Variants in HMGN3 observed in about 807,000 individuals in gnomAD.
The protein encoded by HMGN3 is high mobility group nucleosome-binding domain-containing protein 3.
HMGN3 carries 6 observed loss-of-function variants against 18.8 expected under a neutral mutation model. That is an observed-to-expected ratio of 0.32 (90% CI 0.18 to 0.63). The LOEUF is 0.63. Among genes scored for constraint, HMGN3 ranks in the 30% least tolerant of loss-of-function variants. HMGN3 has a pLI of 0.79. For synonymous variants in HMGN3, 40 were observed against 36.5 expected (o/e 1.10, Z -0.35); for missense variants, 107 against 114.2 (o/e 0.94, Z 0.29).
At chr6:79,230,348 TTA>T (rs1216316603) in intron 1 of HMGN3, among the ~76,000 whole-genome samples, 1 of 152,142 alleles carries the variant, frequency 6.6e-6, no homozygotes, top group Non-Finnish European at 1.5e-5. Flanking sequence ...CAAAACTGGA[TTA>T]TGACAATGGT....
rs1376195341 is a variant in HMGN3 at position 79,232,857 on chromosome 6, T to C, written c.15+1689A>G. 3.9e-5 allele frequency among the ~76,000 whole-genome samples: 6 copies of C among 152,328 alleles called. No homozygotes were observed. In the East Asian group the frequency reaches 7.7e-4, roughly 20 times the overall value. ...ATTAGTTCCTTTGTCTCTACTAGAA[T>C]TTCCAATCCATCATTAACCCTCAGT... On this transcript the variant is annotated intron_variant, in intron 1 of 5. Transcript: ENST00000344726.
At chr6:79,210,910 C>T (rs1304535361) in intron 2 of HMGN3, among the ~76,000 whole-genome samples, 3 of 149,452 alleles carry the variant, frequency 2.0e-5, no homozygotes, top group Non-Finnish European at 4.4e-5. Flanking sequence ...AAGCACTGCT[C>T]TACTGGGACT....
At chr6:79,222,160 G>A (rs1777326838) in intron 1 of HMGN3, among the ~76,000 whole-genome samples, 1 of 152,152 alleles carries the variant, frequency 6.6e-6, no homozygotes, top group South Asian at 2.1e-4. Context: ...ATATATAACA[G>A]TGCAAAGAGA....
At chr6:79,202,128 C>T in intron 5 of HMGN3, 1 of 1,552,808 alleles carries the variant, frequency 6.4e-7, no homozygotes, top group Non-Finnish European at 8.7e-7. Context: ...GAGGTTGAGA[C>T]ATTAACAGTT....
intron 3 of HMGN3, among the ~76,000 whole-genome samples, chr6:79,204,933 C>T (rs910538636): frequency 1.3e-5 from 2 of 152,264 alleles, no homozygotes; most frequent in Admixed American, 1.3e-4. Context: ...TATTAATATA[C>T]ATGTTTTCTC....
chr6:79,212,872 G>A (rs781766592), intron 2 of HMGN3, among the ~76,000 whole-genome samples: 3 of 152,086 alleles, frequency 2.0e-5, no homozygotes, highest in Non-Finnish European at 2.9e-5. Flanking sequence ...GTTTTTACCC[G>A]AAACCATCAG....
chr6:79,219,293 A>T (rs931210313), intron 1 of HMGN3, among the ~76,000 whole-genome samples: 1 of 152,226 alleles, frequency 6.6e-6, no homozygotes, highest in African/African-American at 2.4e-5. Flanking sequence ...ATGAAAATAT[A>T]GAGTACTATT....
At chr6:79,211,284 A>C (rs1431431078) in intron 2 of HMGN3, among the ~76,000 whole-genome samples, 1 of 152,154 alleles carries the variant, frequency 6.6e-6, no homozygotes, top group African/African-American at 2.4e-5. Flanking sequence ...CTTCCTGGAA[A>C]GTTCTATCAG....
chr6:79,211,032 A>AAAAAAAAAAAAC (rs1561988620), intron 2 of HMGN3, among the ~76,000 whole-genome samples: 1 of 147,006 alleles, frequency 6.8e-6, no homozygotes. Flanking sequence ...AAAAAAAAAA[A>AAAAAAAAAAAAC]ATGCCTAAGC....
rs567185140 is a variant in HMGN3 at position 79,208,712 on chromosome 6, A to G, written c.67-136T>C. On this transcript the variant is annotated intron_variant, in intron 2 of 5. Transcript: ENST00000344726. ...ATGATTCCCATCACCTTCTCCAGGT[A>G]AGCACAGTGAAACATATCCCAAGTC... 76 of 753,750 alleles carry G rather than the reference A, an allele frequency of 1.0e-4. 1 individual carries two copies. The African/African-American group carries it at 1.1e-3, about 11-fold the overall frequency. The allele number at this position is 753,750 out of a possible 1,614,324, so 46.7% of individuals were successfully genotyped here. A position where few individuals can be genotyped will look rare whatever the true frequency, so the allele number is the denominator to read the frequency against.
At chr6:79,218,654 G>T (rs2127828599) in intron 1 of HMGN3, among the ~76,000 whole-genome samples, 1 of 152,262 alleles carries the variant, frequency 6.6e-6, no homozygotes, top group East Asian at 1.9e-4. Flanking sequence ...CATGACTGAG[G>T]TTACCTTTTG....
chr6:79,211,533 T>C (rs977139025), intron 2 of HMGN3, among the ~76,000 whole-genome samples: 1 of 151,322 alleles, frequency 6.6e-6, no homozygotes, highest in African/African-American at 2.4e-5. Context: ...CCTCAGCACT[T>C]CTCTGACATT....
chr6:79,220,119 C>T (rs915384133), intron 1 of HMGN3, among the ~76,000 whole-genome samples: 1 of 152,072 alleles, frequency 6.6e-6, no homozygotes, highest in African/African-American at 2.4e-5. Flanking sequence ...TTAAAGGATA[C>T]TATGGTCCTG....
chr6:79,228,432 C>A (rs944214459), intron 1 of HMGN3, among the ~76,000 whole-genome samples: 3 of 152,150 alleles, frequency 2.0e-5, no homozygotes, highest in African/African-American at 7.2e-5. Flanking sequence ...TTAACTCAAT[C>A]AAATGGAGCA....
chr6:79,231,362 T>C (rs928917188), intron 1 of HMGN3, among the ~76,000 whole-genome samples: 10 of 152,180 alleles, frequency 6.6e-5, no homozygotes, highest in Admixed American at 4.6e-4. Flanking sequence ...ACTGAGTCCA[T>C]GAATGTTATC....
exon 6 of HMGN3, chr6:79,201,293 G>A (rs1776118556): frequency 1.2e-5 from 2 of 171,058 alleles, no homozygotes; most frequent in Admixed American, 6.1e-5. Flanking sequence ...TAGTCAGCAG[G>A]TGGCCACAAC....
chr6:79,212,184 T>C lies in HMGN3; in HGVS notation c.66+2788A>G, dbSNP rs1188757118. Among the ~76,000 whole-genome samples, 5 of 152,212 alleles carry C rather than the reference T, an allele frequency of 3.3e-5. No homozygotes were observed. The East Asian group carries it at 9.7e-4, about 29-fold the overall frequency. On this transcript the variant is annotated intron_variant, in intron 2 of 5. Coordinates refer to ENST00000344726, the Ensembl canonical transcript of HMGN3. ...GATTACCAGATTTTTAGGACTGTCA[T>C]AAAAGGGCCATAGGGATAGCGGATT...
intron 1 of HMGN3, among the ~76,000 whole-genome samples, chr6:79,220,728 T>C (rs1777238176): frequency 6.6e-6 from 1 of 152,184 alleles, no homozygotes; most frequent in South Asian, 2.1e-4. Context: ...ATTACAGGTG[T>C]GAGCCACCAC....
At chr6:79,221,388 G>T (rs1467872420) in intron 1 of HMGN3, among the ~76,000 whole-genome samples, 4 of 152,190 alleles carry the variant, frequency 2.6e-5, no homozygotes, top group African/African-American at 9.7e-5. Context: ...TTTACACAAA[G>T]ATGCCTGGGT....
Sources: allele counts gnomAD v4.1 joint callset (sites outside exome capture counted in the v4.1 genomes callset), GRCh38; gene constraint gnomAD v4.1.1; transcripts MANE v1.5; gene names NCBI Gene and HGNC (gene_info 2026-07-23, HGNC 2026-07-21).